Variants in EYS observed in about 807,000 individuals in gnomAD.
EYS encodes the protein EGF-like photoreceptor maintenance factor.
Under a neutral mutation model 282.1 loss-of-function variants are expected in EYS, and 250 were observed. That is an observed-to-expected ratio of 0.89 (90% CI 0.80 to 0.98). The LOEUF is 0.98. Ranked by LOEUF, EYS falls within the 50% of genes least tolerant of loss-of-function variation. EYS has a pLI of 0.00. For synonymous variants in EYS, 1,355 were observed against 1,282.9 expected (o/e 1.06, Z -1.20); for missense variants, 4,016 against 3,709.0 (o/e 1.08, Z -2.15).
intron 30 of EYS, among the ~76,000 whole-genome samples, chr6:64,296,091 T>C (rs1768972784): frequency 6.6e-6 from 1 of 152,218 alleles, no homozygotes; most frequent in Non-Finnish European, 1.5e-5. Context: ...GATTGGGTTT[T>C]ACATTCCACT....
chr6:64,095,943 A>C (rs890767041), intron 31 of EYS, among the ~76,000 whole-genome samples: 2 of 152,202 alleles, frequency 1.3e-5, no homozygotes, highest in African/African-American at 2.4e-5. Context: ...CTTTTAGAGC[A>C]GGCCTGGTGG....
intron 16 of EYS, 41 bp downstream of exon 16, chr6:64,912,443 A>G: frequency 1.3e-6 from 2 of 1,516,360 alleles, no homozygotes; most frequent in Non-Finnish European, 1.8e-6. Flanking sequence ...AAACTAATTA[A>G]GTAATTATTT....
At chr6:64,352,220 C>A (rs1048902924) in intron 29 of EYS, among the ~76,000 whole-genome samples, 1 of 151,428 alleles carries the variant, frequency 6.6e-6, no homozygotes, top group Non-Finnish European at 1.5e-5. Context: ...AAATAAAAAT[C>A]TGTCCATGTG....
At chr6:64,479,554 C>A (rs1776373781) in intron 26 of EYS, among the ~76,000 whole-genome samples, 1 of 151,954 alleles carries the variant, frequency 6.6e-6, no homozygotes, top group East Asian at 1.9e-4. Context: ...AAATGCTTGG[C>A]TGTTTGTTTT....
At chr6:65,360,601 T>A (rs1276935394) in intron 8 of EYS, among the ~76,000 whole-genome samples, 2 of 152,142 alleles carry the variant, frequency 1.3e-5, no homozygotes, top group Non-Finnish European at 2.9e-5. Flanking sequence ...TTTCCATAAA[T>A]CACAGTAGTT....
At chr6:65,406,204 C>T (rs555718561) in intron 5 of EYS, among the ~76,000 whole-genome samples, 2 of 152,168 alleles carry the variant, frequency 1.3e-5, no homozygotes, top group African/African-American at 4.8e-5. Context: ...GTGTATTAAT[C>T]ATTTGTATAT....
intron 12 of EYS, among the ~76,000 whole-genome samples, chr6:65,271,326 C>T (rs1767898188): frequency 6.6e-6 from 1 of 150,950 alleles, no homozygotes; most frequent in Admixed American, 6.6e-5. Context: ...ACCAGAAGCA[C>T]TCATGGCAAA....
At chr6:65,608,888 A>G (rs1765894840) in intron 2 of EYS, among the ~76,000 whole-genome samples, 1 of 152,056 alleles carries the variant, frequency 6.6e-6, no homozygotes, top group African/African-American at 2.4e-5. Flanking sequence ...TCCCACAGAA[A>G]GGTCTTCAGA....
intron 21 of EYS, among the ~76,000 whole-genome samples, chr6:64,815,423 T>G (rs1481834610): frequency 6.6e-6 from 1 of 152,028 alleles, no homozygotes; most frequent in African/African-American, 2.4e-5. Flanking sequence ...GTATCTCCCA[T>G]GGGAAAATAG....
At chr6:64,005,413 C>T (rs998072801) in intron 33 of EYS, among the ~76,000 whole-genome samples, 1 of 152,006 alleles carries the variant, frequency 6.6e-6, no homozygotes. Flanking sequence ...TTCTATCTTA[C>T]AGGTTGTCTG....
At chr6:64,247,490 G>A (rs922800459) in intron 30 of EYS, among the ~76,000 whole-genome samples, 5 of 152,020 alleles carry the variant, frequency 3.3e-5, no homozygotes, top group East Asian at 3.9e-4. Flanking sequence ...CAAGTAAATC[G>A]ATCTAGGATT....
intron 8 of EYS, among the ~76,000 whole-genome samples, chr6:65,354,765 T>A (rs541346068): frequency 5.6e-4 from 85 of 151,776 alleles, no homozygotes; most frequent in African/African-American, 1.9e-3. Context: ...TGCGGTGAGC[T>A]GAGCTGAGAT....
At chr6:64,935,704 G>A (rs954981156) in intron 15 of EYS, among the ~76,000 whole-genome samples, 1 of 151,516 alleles carries the variant, frequency 6.6e-6, no homozygotes, top group African/African-American at 2.4e-5. Flanking sequence ...AATTATAAAG[G>A]CTAAATGAAA....
intron 26 of EYS, among the ~76,000 whole-genome samples, chr6:64,521,552 G>A (rs1340656405): frequency 2.0e-5 from 3 of 151,602 alleles, no homozygotes; most frequent in South Asian, 4.2e-4. Context: ...CAAGAATTAC[G>A]GCTGCTCCTT....
intron 31 of EYS, among the ~76,000 whole-genome samples, chr6:64,170,099 T>G (rs147314988): frequency 0.017 from 2,591 of 152,202 alleles, 78 homozygotes; most frequent in African/African-American, 0.058. Context: ...GAGAGACAGA[T>G]GAAAGAAAAC....
At chr6:64,668,543 C>CT (rs35765768) in intron 22 of EYS, among the ~76,000 whole-genome samples, 23,650 of 76,222 alleles carry the variant, frequency 0.31, 5,565 homozygotes, top group East Asian at 0.54. Flanking sequence ...TACCACAATT[C>CT]TTTTTTTTTT....
chr6:64,413,445 C>A (rs910174847), intron 28 of EYS, among the ~76,000 whole-genome samples: 2 of 151,822 alleles, frequency 1.3e-5, no homozygotes, highest in Non-Finnish European at 2.9e-5. Flanking sequence ...ATGATTGATA[C>A]ATCAGAGAAC....
intron 12 of EYS, among the ~76,000 whole-genome samples, chr6:65,264,891 C>G (rs1767710943): frequency 6.6e-6 from 1 of 150,962 alleles, no homozygotes; most frequent in Non-Finnish European, 1.5e-5. Context: ...GTAGATATAT[C>G]TTATTCTATT....
chr6:65,016,929 A>G (rs1004476009), intron 13 of EYS, among the ~76,000 whole-genome samples: 1 of 152,198 alleles, frequency 6.6e-6, no homozygotes, highest in African/African-American at 2.4e-5. Context: ...TGGACATTGT[A>G]TATCTTTAAG....
Sources: allele counts gnomAD v4.1 joint callset (sites outside exome capture counted in the v4.1 genomes callset), GRCh38; gene constraint gnomAD v4.1.1; transcripts MANE v1.5; gene names NCBI Gene and HGNC (gene_info 2026-07-23, HGNC 2026-07-21).